The following AFF2 variants were observed in gnomAD, a reference collection of about 807,000 sequenced individuals.
AFF2 encodes the protein AF4/FMR2 family member 2.
Under a neutral mutation model 76.9 loss-of-function variants are expected in AFF2, and 14 were observed. The observed-to-expected ratio is 0.18, with a 90% CI of 0.12 to 0.28. The LOEUF is 0.28. Ranked by LOEUF, AFF2 falls within the 10% of genes least tolerant of loss-of-function variation. AFF2 has a pLI of 1.00. For missense variants in AFF2, 868 were observed against 1,001.1 expected, an observed-to-expected ratio of 0.87 and a Z score of 1.79; for synonymous variants, 398 against 366.7, an observed-to-expected ratio of 1.09 and a Z score of -0.98.
At chrX:148,548,738 C>T (rs896521329) in intron 1 of AFF2, among the ~76,000 whole-genome samples, 2 of 112,301 alleles carry the variant, frequency 1.8e-5, no homozygotes, top group Admixed American at 9.4e-5. Flanking sequence ...CCTGGTCTGC[C>T]TCCCATTTAC....
chrX:148,709,889 G>C (rs909280695), intron 3 of AFF2, among the ~76,000 whole-genome samples: 2 of 112,120 alleles, frequency 1.8e-5, no homozygotes, highest in African/African-American at 3.2e-5. Context: ...ACTCTCTTTA[G>C]AGGGCTTTTC....
intron 1 of AFF2, among the ~76,000 whole-genome samples, chrX:148,607,634 C>T (rs1244940553): frequency 9.0e-6 from 1 of 111,637 alleles, no homozygotes; most frequent in African/African-American, 3.3e-5. Flanking sequence ...TACAGTCTAT[C>T]TACATTAGAG....
In AFF2 at chrX:148,995,315, A is replaced by G. The variant is rs1310639719; in HGVS notation, c.*3983A>G. 6 of 111,196 alleles carry G rather than the reference A, an allele frequency of 5.4e-5. No individual in the cohort carries two copies. Among genetic ancestry groups the G allele is most frequent in the Non-Finnish European group, 1.1e-4 (6 of 52,938 alleles). The allele number at this position is 111,196 out of a possible 1,213,427, so 9.2% of individuals were successfully genotyped here. On this transcript the variant is annotated 3_prime_UTR_variant, in exon 21 of 21. Coordinates refer to ENST00000370460, the MANE Select transcript of AFF2 (RefSeq NM_002025.4). ...CTAATCAGATAGGCCGGTCTCAGAC[A>G]TTAATCCTACCATCTGATATTTTTG...
chrX:148,900,470 G>C (rs2124195783), intron 8 of AFF2, among the ~76,000 whole-genome samples: 1 of 111,807 alleles, frequency 8.9e-6, no homozygotes, highest in Admixed American at 9.5e-5. Flanking sequence ...TGCTGATAAT[G>C]AGAGAGGAGT....
rs180947579 is a variant in AFF2 at position 148,532,874 on chromosome X, A to G, written c.47+31730A>G. ...TGTGTGTATGTGTGTGTGTGTGTGT[A>G]TGTATTTAACAGTCGGTCAAACAGT... On this transcript the variant is annotated intron_variant, in intron 1 of 20. Transcript: ENST00000370460. Among the ~76,000 whole-genome samples the G allele has an allele frequency of 2.7e-3, 300 of 111,676 alleles. 1 individual carries two copies. Among genetic ancestry groups the G allele is most frequent in the Middle Eastern group, 9.5e-3 (2 of 211 alleles).
At chrX:148,936,856 C>T (rs782062766) in intron 9 of AFF2, among the ~76,000 whole-genome samples, 4 of 112,247 alleles carry the variant, frequency 3.6e-5, no homozygotes, top group Admixed American at 9.4e-5. Context: ...CTTTTCAGTA[C>T]GTAAGAGCTT....
chrX:148,817,516 G>C (rs1321755802), intron 4 of AFF2, among the ~76,000 whole-genome samples: 3 of 111,476 alleles, frequency 2.7e-5, no homozygotes, highest in Admixed American at 9.6e-5. Context: ...TCCCAGATGG[G>C]ATTTCGTGAG....
In AFF2 at chrX:148,998,170, G is replaced by C. The variant is rs2072628702; in HGVS notation, c.*6838G>C. The C allele has an allele frequency of 9.0e-6, 1 of 111,439 alleles. No individual in the cohort carries two copies. Among genetic ancestry groups the C allele is most frequent in the South Asian group, 3.8e-4 (1 of 2,633 alleles). 9.2% of individuals were successfully genotyped at this position (111,439 alleles called of 1,213,427 possible). A position where few individuals can be genotyped will look rare whatever the true frequency, so the allele number is the denominator to read the frequency against. ...CCCTTTTGCCCACTTGGTTAGATGA[G>C]TGATATATTCTTTGGATCCTGCAAA... On this transcript the variant is annotated 3_prime_UTR_variant, in exon 21 of 21. Transcript: ENST00000370460.
intron 17 of AFF2, 87 bp downstream of exon 17, chrX:148,978,091 G>T: frequency 1.5e-6 from 1 of 649,705 alleles, no homozygotes; most frequent in South Asian, 2.5e-5. Flanking sequence ...GCTTACCCCA[G>T]ATCATTACTC....
chrX:148,963,030 G>T, intron 13 of AFF2, 93 bp downstream of exon 13: 1 of 609,121 alleles, frequency 1.6e-6, no homozygotes, highest in East Asian at 3.5e-5. Flanking sequence ...GCAGGAGGAA[G>T]GGAGGAAGAT....
intron 3 of AFF2, among the ~76,000 whole-genome samples, chrX:148,718,265 A>G (rs1462966799): frequency 1.8e-5 from 2 of 111,754 alleles, no homozygotes; most frequent in African/African-American, 3.3e-5. Context: ...TGAAGAAAAC[A>G]TAATCATGGA....
At chrX:148,547,926 G>A (rs1252904018) in intron 1 of AFF2, among the ~76,000 whole-genome samples, 5 of 111,622 alleles carry the variant, frequency 4.5e-5, no homozygotes, top group Non-Finnish European at 7.5e-5. Context: ...CAAGAAGAGG[G>A]TCACTTTTTC....
chrX:148,762,508 G>A (rs183792785), intron 3 of AFF2, among the ~76,000 whole-genome samples: 11 of 106,429 alleles, frequency 1.0e-4, no homozygotes, highest in African/African-American at 3.3e-4. Flanking sequence ...GTGTGTGTGT[G>A]TATATAACAT....
At chrX:148,548,216 A>G (rs1226761922) in intron 1 of AFF2, among the ~76,000 whole-genome samples, 4 of 111,672 alleles carry the variant, frequency 3.6e-5, no homozygotes, top group African/African-American at 1.3e-4. Context: ...TTACCTACCT[A>G]TGGCCCTTGG....
intron 1 of AFF2, among the ~76,000 whole-genome samples, chrX:148,637,653 C>T (rs1013258984): frequency 8.9e-6 from 1 of 111,920 alleles, no homozygotes; most frequent in African/African-American, 3.2e-5. Flanking sequence ...TCAATGTATG[C>T]AAAATATTTC....
chrX:148,576,780 GGTGTGTGTGTGTAT>G (rs1380184262), intron 1 of AFF2, among the ~76,000 whole-genome samples: 1 of 73,616 alleles, frequency 1.4e-5, no homozygotes, highest in Non-Finnish European at 2.4e-5. Flanking sequence ...TGTGGTTTGG[GGTGTGTGTGTGTAT>G]GTGTGTGTGT....
intron 3 of AFF2, among the ~76,000 whole-genome samples, chrX:148,687,955 C>A (rs782395153): frequency 2.5e-4 from 27 of 110,071 alleles, no homozygotes; most frequent in Non-Finnish European, 4.9e-4. Context: ...CCCATTGGGA[C>A]CTCATATTCA....
intron 8 of AFF2, among the ~76,000 whole-genome samples, chrX:148,889,405 T>C (rs1395191170): frequency 9.0e-6 from 1 of 111,665 alleles, no homozygotes; most frequent in African/African-American, 3.3e-5. Flanking sequence ...AAATGGAACA[T>C]GAGTCCAGAA....
intron 1 of AFF2, among the ~76,000 whole-genome samples, chrX:148,623,694 G>A (rs1444187378): frequency 1.8e-5 from 2 of 108,382 alleles, no homozygotes; most frequent in African/African-American, 6.7e-5. Flanking sequence ...AAATATATAG[G>A]TAATAAAAAT....
Sources: allele counts gnomAD v4.1 joint callset (sites outside exome capture counted in the v4.1 genomes callset), GRCh38; gene constraint gnomAD v4.1.1; transcripts MANE v1.5; gene names NCBI Gene and HGNC (gene_info 2026-07-23, HGNC 2026-07-21).